Variants in IL34 observed in about 807,000 individuals in gnomAD.
IL34 encodes interleukin 34.
A neutral mutation model predicts 25.3 loss-of-function variants in IL34; 17 were observed. That is an observed-to-expected ratio of 0.67 (90% CI 0.46 to 1.01). The LOEUF (loss-of-function observed/expected upper bound fraction) is 1.01, where lower values mean the gene tolerates loss of function less well. IL34 is among the 50% of genes least tolerant of loss of function. The pLI is 0.00. For missense variants in IL34, 368 were observed against 312.9 expected (o/e 1.18, Z -1.33); for synonymous variants, 174 against 140.9 (o/e 1.23, Z -1.66).
intron 1 of IL34, among the ~76,000 whole-genome samples, chr16:70,596,403 G>A (rs1360279941): frequency 1.3e-5 from 2 of 152,326 alleles, no homozygotes; most frequent in South Asian, 2.1e-4. Flanking sequence ...GGCACAAAGA[G>A]GACCGTGGTC....
chr16:70,619,661 G>A (rs185975327), intron 1 of IL34, among the ~76,000 whole-genome samples: 1 of 152,362 alleles, frequency 6.6e-6, no homozygotes, highest in East Asian at 1.9e-4. Flanking sequence ...CACTGTGAGA[G>A]TTACTCGAAG....
At chr16:70,628,786 CTTTTT>C (rs71387533) in intron 1 of IL34, among the ~76,000 whole-genome samples, 1 of 115,166 alleles carries the variant, frequency 8.7e-6, no homozygotes, top group African/African-American at 3.3e-5. Context: ...CACACCTGGT[CTTTTT>C]TTTTTTTTTT....
At chr16:70,587,696 A>G (rs1366001064) in intron 1 of IL34, among the ~76,000 whole-genome samples, 1 of 151,978 alleles carries the variant, frequency 6.6e-6, no homozygotes, top group Non-Finnish European at 1.5e-5. Flanking sequence ...TCTGCCTACA[A>G]TACACTACCC....
chr16:70,648,242 C>G (rs2051989550), intron 1 of IL34, among the ~76,000 whole-genome samples: 1 of 152,124 alleles, frequency 6.6e-6, no homozygotes, highest in Non-Finnish European at 1.5e-5. Context: ...GAGGGTCATT[C>G]TGGAGGTGGA....
intron 1 of IL34, among the ~76,000 whole-genome samples, chr16:70,611,812 G>A (rs917804446): frequency 2.0e-5 from 3 of 151,996 alleles, no homozygotes; most frequent in African/African-American, 4.8e-5. Context: ...CCACTGCACT[G>A]CAGCCTGGGT....
At chr16:70,617,975 A>T (rs1177340937) in intron 1 of IL34, among the ~76,000 whole-genome samples, 1 of 152,176 alleles carries the variant, frequency 6.6e-6, no homozygotes, top group Non-Finnish European at 1.5e-5. Flanking sequence ...GACTCAGGGC[A>T]TGTTGAGTAA....
In IL34 at chr16:70,613,860, T is replaced by G. The variant is rs146460074; in HGVS notation, c.-400-32688T>G. Among the ~76,000 whole-genome samples the G allele has an allele frequency of 9.0e-3, 1,211 of 135,242 alleles. 16 individuals are homozygous for G. Among genetic ancestry groups the G allele is most frequent in the African/African-American group, 0.032 (1,144 of 35,466 alleles). The allele number at this position is 135,242 out of a possible 152,430, so 88.7% of individuals were successfully genotyped here. ...CTGTACTCCAGCCTGGGTGACAGAGTGAGACTCTGTCTCAGGAAAAAAAAA... is the reference window on the plus strand; with the variant it reads ...CTGTACTCCAGCCTGGGTGACAGAGGGAGACTCTGTCTCAGGAAAAAAAAA... On this transcript the variant is annotated intron_variant, in intron 1 of 6. Coordinates refer to the IL34 transcript ENST00000429149.
intron 1 of IL34, among the ~76,000 whole-genome samples, chr16:70,637,396 C>A (rs1027487802): frequency 1.3e-5 from 2 of 151,870 alleles, no homozygotes; most frequent in Non-Finnish European, 2.9e-5. Context: ...TCTTGTTTCC[C>A]AGGCTGGAAT....
intron 1 of IL34, among the ~76,000 whole-genome samples, chr16:70,635,455 A>G (rs2051619743): frequency 2.0e-5 from 3 of 152,334 alleles, no homozygotes; most frequent in Non-Finnish European, 1.5e-5. Flanking sequence ...CTGTCCCAGT[A>G]CCAGTGTGGA....
At chr16:70,595,870 G>T (rs981306419) in intron 1 of IL34, among the ~76,000 whole-genome samples, 31 of 151,974 alleles carry the variant, frequency 2.0e-4, no homozygotes, top group Admixed American at 2.0e-3. Context: ...AATTAGCTGG[G>T]CGTGGTGGTG....
intron 1 of IL34, among the ~76,000 whole-genome samples, chr16:70,634,695 A>T (rs537513560): frequency 2.6e-5 from 4 of 151,738 alleles, no homozygotes; most frequent in Non-Finnish European, 5.9e-5. Flanking sequence ...AAAAAAAAAA[A>T]ATTTCCAAAG....
chr16:70,587,996 G>A (rs1036568635), intron 1 of IL34, among the ~76,000 whole-genome samples: 2 of 152,032 alleles, frequency 1.3e-5, no homozygotes, highest in Admixed American at 6.6e-5. Context: ...CAGAGGTCGC[G>A]CCACTGCACT....
chr16:70,618,971 T>A (rs923613151), intron 1 of IL34, among the ~76,000 whole-genome samples: 2 of 152,060 alleles, frequency 1.3e-5, no homozygotes, highest in Non-Finnish European at 2.9e-5. Context: ...TAGAACAGAA[T>A]AATGGGTTAT....
chr16:70,639,616 A>AGGGCTT (rs200062112), intron 1 of IL34, among the ~76,000 whole-genome samples: 18 of 141,748 alleles, frequency 1.3e-4, no homozygotes, highest in Non-Finnish European at 1.9e-4. Flanking sequence ...ATCGTGACGA[A>AGGGCTT]GGGCTTGAGC....
intron 1 of IL34, among the ~76,000 whole-genome samples, chr16:70,606,763 T>C (rs2051011798): frequency 6.6e-6 from 1 of 152,096 alleles, no homozygotes; most frequent in Non-Finnish European, 1.5e-5. Flanking sequence ...AATTTTTGTA[T>C]TTTTTGTAGA....
At chr16:70,619,633 G>A (rs1292401510) in intron 1 of IL34, among the ~76,000 whole-genome samples, 2 of 152,214 alleles carry the variant, frequency 1.3e-5, no homozygotes, top group Non-Finnish European at 2.9e-5. Context: ...TGATTAAGAA[G>A]GGAAAGGGCT....
chr16:70,659,553 C>T, intron 4 of IL34, 65 bp from the exon 5 acceptor site: 1 of 1,539,200 alleles, frequency 6.5e-7, no homozygotes, highest in Non-Finnish European at 8.8e-7. Flanking sequence ...ACTGGACAGC[C>T]CTCACGGCTC....
chr16:70,634,140 C>G (rs1253485051), intron 1 of IL34, among the ~76,000 whole-genome samples: 1 of 152,006 alleles, frequency 6.6e-6, no homozygotes, highest in South Asian at 2.1e-4. Flanking sequence ...TGTGAGCCAC[C>G]GTGCCCTGCA....
intron 1 of IL34, among the ~76,000 whole-genome samples, chr16:70,626,571 T>C (rs1401416845): frequency 6.6e-6 from 1 of 151,804 alleles, no homozygotes; most frequent in Non-Finnish European, 1.5e-5. Context: ...TAATTTTGTA[T>C]TTTTAGTGGA....
Sources: allele counts gnomAD v4.1 joint callset (sites outside exome capture counted in the v4.1 genomes callset), GRCh38; gene constraint gnomAD v4.1.1; transcripts MANE v1.5; gene names NCBI Gene and HGNC (gene_info 2026-07-23, HGNC 2026-07-21).